HS6ST3: variants seen among roughly 807,000 people sequenced by gnomAD.
The protein encoded by HS6ST3 is heparan-sulfate 6-O-sulfotransferase 3.
Under a neutral mutation model 36.7 loss-of-function variants are expected in HS6ST3, and 12 were observed. That is an observed-to-expected ratio of 0.33 (90% CI 0.21 to 0.53). The LOEUF is 0.53. Among genes scored for constraint, HS6ST3 ranks in the 20% least tolerant of loss-of-function variants. The probability of loss-of-function intolerance (pLI) is 0.95; values close to 1 mark genes in which losing one functional copy is unlikely to be tolerated. For synonymous variants in HS6ST3, 240 were observed against 257.5 expected, an observed-to-expected ratio of 0.93 and a Z score of 0.65; for missense variants, 584 against 640.9, an observed-to-expected ratio of 0.91 and a Z score of 0.96.
chr13:96,814,466 C>A (rs1178458230), intron 1 of HS6ST3, among the ~76,000 whole-genome samples: 1 of 152,078 alleles, frequency 6.6e-6, no homozygotes, highest in Non-Finnish European at 1.5e-5. Flanking sequence ...GCATTTGGAT[C>A]TTGTCTTTAT....
At chr13:96,559,033 T>C (rs1452924064) in intron 1 of HS6ST3, among the ~76,000 whole-genome samples, 1 of 152,142 alleles carries the variant, frequency 6.6e-6, no homozygotes, top group Non-Finnish European at 1.5e-5. Flanking sequence ...AACTGAATTT[T>C]GGAGCCATTT....
At chr13:96,199,501 T>C (rs1348980198) in intron 1 of HS6ST3, among the ~76,000 whole-genome samples, 2 of 152,214 alleles carry the variant, frequency 1.3e-5, no homozygotes, top group African/African-American at 4.8e-5. Context: ...AGCAGGCTAT[T>C]ATGTAGCCAA....
intron 1 of HS6ST3, among the ~76,000 whole-genome samples, chr13:96,700,891 A>G (rs1875267811): frequency 6.6e-6 from 1 of 152,188 alleles, no homozygotes; most frequent in Non-Finnish European, 1.5e-5. Context: ...CTGGAAAATG[A>G]CTTAATGAGT....
chr13:96,297,176 T>G (rs1324030959), intron 1 of HS6ST3, among the ~76,000 whole-genome samples: 1 of 152,068 alleles, frequency 6.6e-6, no homozygotes, highest in East Asian at 1.9e-4. Context: ...TTCAAACTAT[T>G]TTTTTTCCTA....
intron 1 of HS6ST3, among the ~76,000 whole-genome samples, chr13:96,193,312 A>G (rs2054297596): frequency 6.6e-6 from 1 of 152,204 alleles, no homozygotes. Context: ...ATGGCTTGAC[A>G]GTTCAATTCC....
At chr13:96,148,301 T>G (rs1018441212) in intron 1 of HS6ST3, among the ~76,000 whole-genome samples, 1 of 152,236 alleles carries the variant, frequency 6.6e-6, no homozygotes, top group Non-Finnish European at 1.5e-5. Flanking sequence ...TACTGTTAAG[T>G]GCATATTGGA....
At chr13:96,158,127 G>A (rs906751452) in intron 1 of HS6ST3, among the ~76,000 whole-genome samples, 1 of 152,154 alleles carries the variant, frequency 6.6e-6, no homozygotes, top group South Asian at 2.1e-4. Flanking sequence ...GGTTAAGAGC[G>A]ATGTAAAGGA....
chr13:96,204,250 CAAA>C (rs1432240944), intron 1 of HS6ST3, among the ~76,000 whole-genome samples: 2 of 152,056 alleles, frequency 1.3e-5, no homozygotes, highest in African/African-American at 4.8e-5. Flanking sequence ...TCAAAACAGA[CAAA>C]GAAGAGCATA....
intron 1 of HS6ST3, among the ~76,000 whole-genome samples, chr13:96,432,638 C>G (rs1202796701): frequency 6.6e-6 from 1 of 152,116 alleles, no homozygotes; most frequent in Non-Finnish European, 1.5e-5. Context: ...GTTTCACAGG[C>G]CTCAATCAGG....
chr13:96,773,767 A>G (rs1877327414), intron 1 of HS6ST3, among the ~76,000 whole-genome samples: 1 of 152,194 alleles, frequency 6.6e-6, no homozygotes, highest in Non-Finnish European at 1.5e-5. Context: ...AGACTTAAAC[A>G]TTCCTGCCTG....
intron 1 of HS6ST3, among the ~76,000 whole-genome samples, chr13:96,517,589 A>G (rs2056077556): frequency 1.3e-5 from 2 of 151,886 alleles, no homozygotes; most frequent in African/African-American, 2.4e-5. Context: ...TGTCGGCTAC[A>G]TTTTCCTTTT....
intron 1 of HS6ST3, among the ~76,000 whole-genome samples, chr13:96,382,622 T>A (rs1158084490): frequency 2.0e-5 from 3 of 152,182 alleles, no homozygotes; most frequent in African/African-American, 4.8e-5. Flanking sequence ...ATAACAAACA[T>A]AATTGTGAAA....
At chr13:96,717,222 G>T (rs1050441286) in intron 1 of HS6ST3, among the ~76,000 whole-genome samples, 1 of 152,172 alleles carries the variant, frequency 6.6e-6, no homozygotes, top group Non-Finnish European at 1.5e-5. Context: ...GGACACTTGT[G>T]TGGCAGATCA....
intron 1 of HS6ST3, among the ~76,000 whole-genome samples, chr13:96,454,803 G>C (rs1158527975): frequency 1.3e-5 from 2 of 151,448 alleles, no homozygotes; most frequent in Admixed American, 1.3e-4. Context: ...TCTAAAAACT[G>C]ATTATGTGGT....
intron 1 of HS6ST3, among the ~76,000 whole-genome samples, chr13:96,331,546 C>G (rs2055067708): frequency 6.6e-6 from 1 of 151,946 alleles, no homozygotes; most frequent in Non-Finnish European, 1.5e-5. Flanking sequence ...GTTCTCAGAT[C>G]TCCAGCTGCG....
chr13:96,608,562 G>A (rs945588030), intron 1 of HS6ST3, among the ~76,000 whole-genome samples: 3 of 152,212 alleles, frequency 2.0e-5, no homozygotes, highest in Non-Finnish European at 4.4e-5. Context: ...GATGTGTTCT[G>A]TAAAATCCGG....
At chr13:96,463,614 A>G (rs1338007944) in intron 1 of HS6ST3, among the ~76,000 whole-genome samples, 2 of 152,224 alleles carry the variant, frequency 1.3e-5, no homozygotes, top group African/African-American at 4.8e-5. Context: ...TAACTTGACC[A>G]TATTAAAACT....
chr13:96,420,544 G>C (rs1355730906), intron 1 of HS6ST3, among the ~76,000 whole-genome samples: 1 of 152,038 alleles, frequency 6.6e-6, no homozygotes, highest in Non-Finnish European at 1.5e-5. Context: ...TCTAACTTTA[G>C]AGCAACAAAT....
At chr13:96,798,633 G>A (rs1877970037) in intron 1 of HS6ST3, among the ~76,000 whole-genome samples, 1 of 152,024 alleles carries the variant, frequency 6.6e-6, no homozygotes, top group South Asian at 2.1e-4. Flanking sequence ...TAATTTCTCT[G>A]CGCCTCAATG....
Sources: gnomAD v4.1 joint callset for allele counts (sites outside exome capture counted in the v4.1 genomes callset) on GRCh38, gnomAD v4.1.1 for gene constraint, MANE v1.5 for transcripts, NCBI Gene and HGNC (gene_info 2026-07-23, HGNC 2026-07-21) for gene names.